LIMCH1: variants seen among roughly 807,000 people sequenced by gnomAD.
LIMCH1 encodes LIM and calponin homology domains-containing protein 1.
A neutral mutation model predicts 176.5 loss-of-function variants in LIMCH1; 113 were observed. That is an observed-to-expected ratio of 0.64 (90% CI 0.55 to 0.75). The LOEUF (loss-of-function observed/expected upper bound fraction) is 0.75. LIMCH1 is among the 30% of genes least tolerant of loss of function. The probability of loss-of-function intolerance (pLI) is 0.00; values close to 1 mark genes in which losing one functional copy is unlikely to be tolerated. For missense variants in LIMCH1, 1,674 were observed against 1,814.9 expected, an observed-to-expected ratio of 0.92 and a Z score of 1.41; for synonymous variants, 619 against 645.9, an observed-to-expected ratio of 0.96 and a Z score of 0.63.
At position 41,478,967 on chromosome 4, in the gene LIMCH1, G is replaced by T. The variant is rs150641712; in HGVS notation, c.97-15569G>T. Among the ~76,000 whole-genome samples, 987 of 152,184 alleles carry T rather than the reference G, an allele frequency of 6.5e-3. 11 individuals carry two copies. Among genetic ancestry groups the T allele is most frequent in the African/African-American group, 0.022 (926 of 41,512 alleles). On this transcript the variant is annotated intron_variant, in intron 1 of 26. Transcript: ENST00000313860. Reference sequence around the variant, plus strand: ...GGCTGTTGAACTACTTTCAGCCCTAGCCCCCAAACATTTTATTGTGAATGT... The same window carrying T: ...GGCTGTTGAACTACTTTCAGCCCTATCCCCCAAACATTTTATTGTGAATGT...
At chr4:41,455,643 A>C (rs905118632) in intron 1 of LIMCH1, among the ~76,000 whole-genome samples, 3 of 152,102 alleles carry the variant, frequency 2.0e-5, no homozygotes. Flanking sequence ...AACAAAAAAC[A>C]AAAAAACCCA....
Position 41,472,893 on chromosome 4 carries a change from A to G in LIMCH1, c.97-21643A>G, listed in dbSNP as rs1041011213. ...CAGGATTCCCCAAGCTTACTTGACC[A>G]TGGACCCTTCTTTCCACATCACATC... On this transcript the variant is annotated intron_variant, in intron 1 of 26. Transcript: ENST00000313860. The G allele has an allele frequency of 1.4e-4, 58 of 409,602 alleles. 1 individual carries two copies. Among genetic ancestry groups the G allele is most frequent in the Non-Finnish European group, 1.8e-4 (55 of 303,868 alleles). The allele number at this position is 409,602 out of a possible 1,614,324, so 25.4% of individuals were successfully genotyped here.
intron 30 of LIMCH1, among the ~76,000 whole-genome samples, chr4:41,690,594 T>C (rs192742375): frequency 2.6e-5 from 4 of 152,336 alleles, no homozygotes; most frequent in African/African-American, 7.2e-5. Flanking sequence ...TCTTGGATTT[T>C]CTTTTATTTC....
intron 2 of LIMCH1, among the ~76,000 whole-genome samples, chr4:41,505,541 ACCTCTGT>A (rs990226195): frequency 6.6e-6 from 1 of 151,902 alleles, no homozygotes; most frequent in African/African-American, 2.4e-5. Context: ...AATAACCCTG[ACCTCTGT>A]GGTGATGTCA....
chr4:41,613,517 A>C lies in LIMCH1; in HGVS notation c.61A>C (p.Ile21Leu). The C allele has an allele frequency of 1.2e-6, 2 of 1,614,080 alleles. No individual in the cohort carries two copies. Among genetic ancestry groups the C allele is most frequent in the Non-Finnish European group, 1.7e-6 (2 of 1,179,990 alleles). The change falls in exon 5 of 32, where the codon ATC becomes CTC. Residue 21 changes from isoleucine to leucine, a missense_variant. Coordinates refer to ENST00000503057, the MANE Select transcript of LIMCH1 (RefSeq NM_001330672.2). ...PKRSIRDSGY[I>L]DCWDSERSDS... ...ACGCAGTATCCGAGACAGTGGCTACATCGACTGCTGGGATTCCGAGCGCAG... is the reference window on the plus strand; with the variant it reads ...ACGCAGTATCCGAGACAGTGGCTACCTCGACTGCTGGGATTCCGAGCGCAG...
At chr4:41,518,369 G>A (rs1219051875) in intron 2 of LIMCH1, among the ~76,000 whole-genome samples, 1 of 152,034 alleles carries the variant, frequency 6.6e-6, no homozygotes, top group Non-Finnish European at 1.5e-5. Context: ...TCCAGAGTAG[G>A]GCTTTGAGGT....
chr4:41,445,901 T>C (rs530736928), intron 1 of LIMCH1, among the ~76,000 whole-genome samples: 1 of 152,236 alleles, frequency 6.6e-6, no homozygotes, highest in Non-Finnish European at 1.5e-5. Flanking sequence ...TCTTTGTGGC[T>C]GAGATAAATA....
At chr4:41,434,624 C>T (rs1023442756) in intron 1 of LIMCH1, among the ~76,000 whole-genome samples, 1 of 152,206 alleles carries the variant, frequency 6.6e-6, no homozygotes, top group Non-Finnish European at 1.5e-5. Flanking sequence ...TCAGGAGATT[C>T]TCCTGCCTCA....
At chr4:41,681,519 A>T (rs1715823399) in intron 25 of LIMCH1, among the ~76,000 whole-genome samples, 1 of 151,872 alleles carries the variant, frequency 6.6e-6, no homozygotes, top group Non-Finnish European at 1.5e-5. Context: ...ATTGCTTCTA[A>T]CCCCCCCACA....
At chr4:41,484,531 T>G (rs1561511333) in intron 1 of LIMCH1, among the ~76,000 whole-genome samples, 1 of 152,246 alleles carries the variant, frequency 6.6e-6, no homozygotes, top group East Asian at 1.9e-4. Context: ...ACAATTTAGG[T>G]ATAAAAATAT....
intron 2 of LIMCH1, among the ~76,000 whole-genome samples, chr4:41,521,634 T>C (rs773188504): frequency 6.6e-6 from 1 of 152,190 alleles, no homozygotes; most frequent in Non-Finnish European, 1.5e-5. Context: ...CAATGTTATC[T>C]TTTATTGTTG....
chr4:41,449,286 A>G (rs181977827), intron 1 of LIMCH1, among the ~76,000 whole-genome samples: 2 of 152,196 alleles, frequency 1.3e-5, no homozygotes, highest in East Asian at 3.9e-4. Context: ...TCCACGTGGA[A>G]TGTTCTCCCT....
Position 41,462,891 on chromosome 4 carries a change from T to C in LIMCH1, c.97-31645T>C, listed in dbSNP as rs376232215. ...TTAAAATAGACCTTTTATTTTTTTTTAAGTTTATATTGAAATTCCATCTTT... is the reference window on the plus strand; with the variant it reads ...TTAAAATAGACCTTTTATTTTTTTTCAAGTTTATATTGAAATTCCATCTTT... On this transcript the variant is annotated intron_variant, in intron 1 of 26. Coordinates refer to the LIMCH1 transcript ENST00000313860. 4.2e-5 allele frequency among the ~76,000 whole-genome samples: 6 copies of C among 144,406 alleles called. No homozygotes were observed. In the East Asian group the frequency reaches 7.7e-4, roughly 19 times the overall value. 94.7% of individuals were successfully genotyped at this position (144,406 alleles called of 152,430 possible).
chr4:41,448,118 T>G (rs1582347445), intron 1 of LIMCH1, among the ~76,000 whole-genome samples: 1 of 152,260 alleles, frequency 6.6e-6, no homozygotes, highest in East Asian at 1.9e-4. Flanking sequence ...AAAAATGAAA[T>G]GGAGTAGAAA....
chr4:41,448,154 T>G (rs1425849181), intron 1 of LIMCH1, among the ~76,000 whole-genome samples: 1 of 152,232 alleles, frequency 6.6e-6, no homozygotes, highest in Non-Finnish European at 1.5e-5. Flanking sequence ...TAGGAGCTTT[T>G]GGGAGCTTTT....
At chr4:41,541,640 A>G (rs956779220) in intron 1 of LIMCH1, among the ~76,000 whole-genome samples, 2 of 152,142 alleles carry the variant, frequency 1.3e-5, no homozygotes, top group Non-Finnish European at 2.9e-5. Flanking sequence ...GAACAGGATC[A>G]TTTTTCATCC....
chr4:41,632,377 C>T (rs1047235932), intron 10 of LIMCH1, among the ~76,000 whole-genome samples: 1 of 151,984 alleles, frequency 6.6e-6, no homozygotes, highest in Non-Finnish European at 1.5e-5. Context: ...CGGGGTGACA[C>T]CATAGAAGAG....
intron 26 of LIMCH1, among the ~76,000 whole-genome samples, chr4:41,682,666 TTTC>T (rs1412185090): frequency 5.4e-5 from 8 of 148,948 alleles, no homozygotes; most frequent in African/African-American, 1.5e-4. Context: ...CCTTATTTTT[TTTC>T]TTCTTCTTCT....
intron 14 of LIMCH1, among the ~76,000 whole-genome samples, chr4:41,642,917 A>G (rs1418391046): frequency 1.3e-5 from 2 of 152,072 alleles, no homozygotes; most frequent in Non-Finnish European, 2.9e-5. Flanking sequence ...GCTGAAATCA[A>G]CATTCTCCAC....
Sources: allele counts gnomAD v4.1 joint callset (sites outside exome capture counted in the v4.1 genomes callset), GRCh38; gene constraint gnomAD v4.1.1; transcripts MANE v1.5; gene names NCBI Gene and HGNC (gene_info 2026-07-23, HGNC 2026-07-21).